SYNE1: variants seen among roughly 807,000 people sequenced by gnomAD.
SYNE1 encodes the protein spectrin repeat containing nuclear envelope protein 1.
Under a neutral mutation model 1,111.0 loss-of-function variants are expected in SYNE1, and 616 were observed. The observed-to-expected ratio is 0.55, with a 90% CI of 0.52 to 0.59. SYNE1 has a LOEUF of 0.59. Among genes scored for constraint, SYNE1 ranks in the 20% least tolerant of loss-of-function variants. SYNE1 has a pLI of 0.00. For missense variants in SYNE1, 10,006 were observed against 10,417.0 expected (o/e 0.96, Z 1.72); for synonymous variants, 3,855 against 3,825.8 (o/e 1.01, Z -0.28).
rs571358121 is a variant in SYNE1, at chr6:152,586,790, T to C, written c.67+41475A>G. Among the ~76,000 whole-genome samples, 4 of 152,208 alleles carry C rather than the reference T, an allele frequency of 2.6e-5. No individual in the cohort carries two copies. The East Asian group carries it at 5.8e-4, about 22-fold the overall frequency. On this transcript the variant is annotated intron_variant, in intron 3 of 145. Coordinates refer to ENST00000367255, the MANE Select transcript of SYNE1 (RefSeq NM_182961.4). ...TTCTTTGGGTTATTACTAAGATAAA[T>C]TATATTAATATAATTCATAATATTG...
At chr6:152,617,541 T>A (rs2099660686) in intron 3 of SYNE1, among the ~76,000 whole-genome samples, 1 of 152,172 alleles carries the variant, frequency 6.6e-6, no homozygotes. Flanking sequence ...AATGCATGAA[T>A]GTATGATTGA....
intron 9 of SYNE1, 25 bp downstream of exon 9, chr6:152,505,176 A>G: frequency 6.2e-7 from 1 of 1,612,944 alleles, no homozygotes; most frequent in Non-Finnish European, 8.5e-7. Context: ...TAAGGTATAT[A>G]ACAGTCAATG....
rs2099085716 is a variant in SYNE1 at position 152,511,668 on chromosome 6, G to A, written c.310-565C>T. On this transcript the variant is annotated intron_variant, in intron 6 of 145. Coordinates refer to ENST00000367255, the MANE Select transcript of SYNE1 (RefSeq NM_182961.4). ...CAAAATCAGCATTATTTGTTCAAAGGGAATAAAGAGGTAGGTAGTCAGTTT... is the reference window on the plus strand; with the variant it reads ...CAAAATCAGCATTATTTGTTCAAAGAGAATAAAGAGGTAGGTAGTCAGTTT... 2.8e-6 allele frequency: 4 copies of A among 1,431,476 alleles called. No homozygotes were observed. In the African/African-American group the frequency reaches 4.2e-5, roughly 15 times the overall value. The allele number at this position is 1,431,476 out of a possible 1,614,324, so 88.7% of individuals were successfully genotyped here.
chr6:152,395,990 C>T (rs896567122), intron 50 of SYNE1, among the ~76,000 whole-genome samples: 3 of 152,134 alleles, frequency 2.0e-5, no homozygotes, highest in Non-Finnish European at 2.9e-5. Context: ...TGTCTTACTA[C>T]GAAGACCCCT....
At chr6:152,352,387 CTT>C in intron 69 of SYNE1, 34 bp from the exon 70 acceptor site, 1 of 1,583,342 alleles carries the variant, frequency 6.3e-7, no homozygotes, top group Admixed American at 1.8e-5. Context: ...CAAAGGTAGT[CTT>C]GTTTCTTTTC....
intron 74 of SYNE1, among the ~76,000 whole-genome samples, chr6:152,341,808 G>A (rs889705111): frequency 6.6e-6 from 1 of 152,090 alleles, no homozygotes; most frequent in African/African-American, 2.4e-5. Context: ...AACAACTTTT[G>A]TTCTCATCAA....
chr6:152,310,641 T>C, intron 88 of SYNE1, 47 bp downstream of exon 88: 1 of 1,609,614 alleles, frequency 6.2e-7, no homozygotes, highest in Non-Finnish European at 8.5e-7. Context: ...CCATTTTCTT[T>C]CAATGATAGA....
intron 14 of SYNE1, among the ~76,000 whole-genome samples, chr6:152,477,242 TA>T (rs2154287679): frequency 6.6e-6 from 1 of 151,470 alleles, no homozygotes; most frequent in South Asian, 2.1e-4. Context: ...AAAGATAAGA[TA>T]AATGATTAAA....
rs374596074 is a variant in SYNE1, at chr6:152,330,569, C to T, written c.14116G>A (p.Val4706Ile). 40 of 1,613,946 alleles carry T rather than the reference C, an allele frequency of 2.5e-5. No individual in the cohort carries two copies. The highest frequency in any genetic ancestry group is 3.3e-4 in the Middle Eastern group (2 of 6,062). The change falls in exon 78 of 146, where the codon GTT becomes ATT. Residue 4706 changes from valine to isoleucine, a missense_variant. Val to Ile is a conservative substitution (Grantham distance 29). Coordinates refer to ENST00000367255, the MANE Select transcript of SYNE1 (RefSeq NM_182961.4). ...RMSKVPTDLAVEEALSLQDGC... is the reference protein window; with the variant it reads ...RMSKVPTDLAIEEALSLQDGC... ...TCTTGCAGAGAAAGAGCCTCCTCAA[C>T]GGCCAGGTCGGTGGGAACTTTGCTC...
At position 152,441,287 on chromosome 6, in the gene SYNE1, A is replaced by G; in HGVS notation, c.4009-17T>C. The G allele has an allele frequency of 6.3e-7, 1 of 1,598,422 alleles. No homozygotes were observed. The highest frequency in any genetic ancestry group is 1.1e-5 in the South Asian group (1 of 89,450). On this transcript the variant is annotated splice_polypyrimidine_tract_variant and intron_variant, in intron 31 of 145. Coordinates refer to ENST00000367255, the MANE Select transcript of SYNE1 (RefSeq NM_182961.4). ...TAATGTGACCTAAATTTGAAAAAATAAACAACAAATGGGTTACAAATGTCA... is the reference window on the plus strand; with the variant it reads ...TAATGTGACCTAAATTTGAAAAAATGAACAACAAATGGGTTACAAATGTCA...
chr6:152,199,274 T>C (rs2074895962), intron 127 of SYNE1, among the ~76,000 whole-genome samples: 1 of 152,222 alleles, frequency 6.6e-6, no homozygotes, highest in African/African-American at 2.4e-5. Context: ...TTTCTTTTTG[T>C]CCTGAATTGC....
intron 117 of SYNE1, among the ~76,000 whole-genome samples, chr6:152,222,660 C>G (rs1030709831): frequency 6.6e-6 from 1 of 152,058 alleles, no homozygotes; most frequent in Non-Finnish European, 1.5e-5. Context: ...ACATACTTAT[C>G]CATTTTTGTC....
chr6:152,568,233 G>A (rs1485201687), intron 3 of SYNE1, among the ~76,000 whole-genome samples: 1 of 147,068 alleles, frequency 6.8e-6, no homozygotes, highest in African/African-American at 2.5e-5. Flanking sequence ...AAGGCAAAGA[G>A]TATAGTGGGA....
At chr6:152,300,483 G>A (rs1442096407) in intron 93 of SYNE1, among the ~76,000 whole-genome samples, 158 bp downstream of exon 93, 3 of 152,158 alleles carry the variant, frequency 2.0e-5, no homozygotes, top group East Asian at 3.8e-4. Flanking sequence ...TGAGACACAT[G>A]ACAATCATAG....
chr6:152,220,839 T>TA lies in SYNE1; in HGVS notation c.21861+2dup. 1 of 1,613,262 alleles carries TA rather than the reference T, an allele frequency of 6.2e-7. No individual in the cohort carries two copies. Among genetic ancestry groups the TA allele is most frequent in the African/African-American group, 1.3e-5 (1 of 75,034 alleles). On this transcript the variant is annotated splice_region_variant and intron_variant, in intron 119 of 145. Coordinates refer to ENST00000367255, the MANE Select transcript of SYNE1 (RefSeq NM_182961.4). ...GGGAAAACAAGGTAGCTCCTGAACA[T>TA]ACGTTGCAATCTTGAATCCATGTGG...
At chr6:152,576,507 C>T (rs570648611) in intron 3 of SYNE1, among the ~76,000 whole-genome samples, 9 of 152,248 alleles carry the variant, frequency 5.9e-5, no homozygotes, top group South Asian at 4.1e-4. Flanking sequence ...CTTCTAAGGC[C>T]TACCTTGTTA....
intron 24 of SYNE1, among the ~76,000 whole-genome samples, chr6:152,454,578 T>A (rs1460067201): frequency 6.6e-6 from 1 of 152,246 alleles, no homozygotes; most frequent in East Asian, 1.9e-4. Context: ...CATTTTGCTC[T>A]GGCAGTCAAG....
rs537748458 is a variant in SYNE1, at chr6:152,507,674, C to A, written c.582-2277G>T. Among the ~76,000 whole-genome samples, 75 of 152,202 alleles carry A rather than the reference C, an allele frequency of 4.9e-4. No individual in the cohort carries two copies. In the South Asian group the frequency reaches 5.4e-3, roughly 11 times the overall value. Reference sequence around the variant, plus strand: ...TCTAATATGTATTTACTTCAAGCTGCTTTTAAATAACTACATATATGCATA... The same window carrying A: ...TCTAATATGTATTTACTTCAAGCTGATTTTAAATAACTACATATATGCATA... On this transcript the variant is annotated intron_variant, in intron 8 of 145. Coordinates refer to ENST00000367255, the MANE Select transcript of SYNE1 (RefSeq NM_182961.4).
intron 128 of SYNE1, among the ~76,000 whole-genome samples, chr6:152,183,988 C>T (rs1437385577): frequency 6.6e-5 from 10 of 152,296 alleles, no homozygotes; most frequent in South Asian, 4.1e-4. Flanking sequence ...ATTTTCTCTA[C>T]GACTTACTCC....
Sources: allele counts gnomAD v4.1 joint callset (sites outside exome capture counted in the v4.1 genomes callset), GRCh38; gene constraint gnomAD v4.1.1; transcripts MANE v1.5; gene names NCBI Gene and HGNC (gene_info 2026-07-23, HGNC 2026-07-21).